FANCA: variants seen among roughly 807,000 people sequenced by gnomAD.
FANCA encodes FA complementation group A.
A neutral mutation model predicts 194.3 loss-of-function variants in FANCA; 236 were observed. The observed-to-expected ratio is 1.21, with a 90% CI of 1.09 to 1.35. The LOEUF (loss-of-function observed/expected upper bound fraction) is 1.35, where lower values mean the gene tolerates loss of function less well. Ranked by LOEUF, FANCA falls within the 40% of genes most tolerant of loss-of-function variation. The pLI, the probability that FANCA is intolerant of heterozygous loss-of-function variation, is 0.00. For synonymous variants in FANCA, 1,014 were observed against 715.8 expected (o/e 1.42, Z -6.65); for missense variants, 2,628 against 1,813.9 (o/e 1.45, Z -8.15).
At chr16:89,770,837 A>C (rs1240678340) in intron 23 of FANCA, among the ~76,000 whole-genome samples, 1 of 152,164 alleles carries the variant, frequency 6.6e-6, no homozygotes, top group African/African-American at 2.4e-5. Flanking sequence ...GCCCTCAAGT[A>C]ATCGCCAATC....
chr16:89,810,636 GT>G lies in FANCA; in HGVS notation c.522+70del, dbSNP rs1376452751. ...ATTCCCAAGAAAACCCAGGTACTCT[GT>G]TGCCTCCATCCAGATCAACAGAACA... On this transcript the variant is annotated intron_variant, in intron 5 of 42. Coordinates refer to ENST00000389301, the MANE Select transcript of FANCA (RefSeq NM_000135.4). 9 of 983,534 alleles carry G rather than the reference GT, an allele frequency of 9.2e-6. 1 individual carries two copies. The African/African-American group carries it at 1.3e-4, about 14-fold the overall frequency. The allele number at this position is 983,534 out of a possible 1,614,324, so 60.9% of individuals were successfully genotyped here. A position where few individuals can be genotyped will look rare whatever the true frequency, so the allele number is the denominator to read the frequency against.
Position 89,738,946 on chromosome 16 carries a change from G to A in FANCA, c.4196C>T (p.Ala1399Val), listed in dbSNP as rs1457671800. Residue 1399 changes from alanine to valine, a missense_variant, in exon 42 of 43, where the codon GCT becomes GTT. Coordinates refer to ENST00000389301, the MANE Select transcript of FANCA (RefSeq NM_000135.4). Reference protein sequence around the residue: ...QGNPVELITKARLFLLQLIPR... With the variant: ...QGNPVELITKVRLFLLQLIPR... Reference sequence around the variant, plus strand: ...TATTAACTGCAGCAGAAAAAGACGAGCTTTTGTTATCAGTTCCACGGGGTT... The same window carrying A: ...TATTAACTGCAGCAGAAAAAGACGAACTTTTGTTATCAGTTCCACGGGGTT... 1.9e-6 allele frequency: 3 copies of A among 1,614,256 alleles called. No individual in the cohort carries two copies. Among genetic ancestry groups the A allele is most frequent in the Non-Finnish European group, 2.5e-6 (3 of 1,180,050 alleles).
At chr16:89,795,560 C>G (rs867751858) in intron 11 of FANCA, among the ~76,000 whole-genome samples, 4 of 152,114 alleles carry the variant, frequency 2.6e-5, no homozygotes, top group Middle Eastern at 3.2e-3. Flanking sequence ...ATTGCTTGAA[C>G]CTGGGAGGCA....
chr16:89,792,337 G>C lies in FANCA; in HGVS notation c.1083+134C>G, dbSNP rs576360046. 40 of 1,020,632 alleles carry C rather than the reference G, an allele frequency of 3.9e-5. No individual in the cohort carries two copies. In the Admixed American group the frequency reaches 5.3e-4, roughly 13 times the overall value. 63.2% of individuals were successfully genotyped at this position (1,020,632 alleles called of 1,614,324 possible). A position where few individuals can be genotyped will look rare whatever the true frequency, so the allele number is the denominator to read the frequency against. ...CTGACCTGAGTGGTGGCCTTGATGA[G>C]GACAGCCACATCTCACCAGACATCC... On this transcript the variant is annotated intron_variant, in intron 12 of 42. Transcript: ENST00000389301.
At chr16:89,792,392 G>A in intron 12 of FANCA, 79 bp downstream of exon 12, 1 of 1,448,150 alleles carries the variant, frequency 6.9e-7, no homozygotes, top group Non-Finnish European at 9.7e-7. Flanking sequence ...GTCCACGGCA[G>A]GCAGCATGAC....
In FANCA at chr16:89,796,004, C is replaced by T. The variant is rs1060501877; in HGVS notation, c.908G>A (p.Ser303Asn). Residue 303 changes from serine (S) to asparagine (N), a missense_variant, in exon 11 of 43, where the codon AGT becomes AAT. Ser to Asn is a conservative substitution (Grantham distance 46). Coordinates refer to ENST00000389301, the MANE Select transcript of FANCA (RefSeq NM_000135.4). ...AATTACACTGCCAAGCGTGTGTCCACTGAACACTCCGAACCTGCCAATGCA... is the reference window on the plus strand; with the variant it reads ...AATTACACTGCCAAGCGTGTGTCCATTGAACACTCCGAACCTGCCAATGCA... The part of the protein sequence containing the change: ...KIVRCWFGVF[S>N]GHTLGSVIST... 2 of 1,613,932 alleles carry T rather than the reference C, an allele frequency of 1.2e-6. No individual in the cohort carries two copies. Among genetic ancestry groups the T allele is most frequent in the Admixed American group, 1.7e-5 (1 of 60,012 alleles).
chr16:89,806,988 C>T (rs530667387), intron 6 of FANCA, among the ~76,000 whole-genome samples: 2 of 152,190 alleles, frequency 1.3e-5, no homozygotes, highest in South Asian at 4.2e-4. Flanking sequence ...GCTGACTCCC[C>T]CACCTCCCTC....
Position 89,778,974 on chromosome 16 carries a change from T to G in FANCA, c.1745A>C (p.His582Pro). The change falls in exon 19 of 43, where the codon CAC becomes CCC. Residue 582 changes from histidine (H) to proline (P), a missense_variant. His to Pro is a moderately conservative substitution (Grantham distance 77, BLOSUM62 -2). Transcript: ENST00000389301. ...SIFRRPYYVS[H>P]FLPALLTPRV... ...AGGTGTGAGCAGGGCGGGGAGGAAGTGGGACACGTAGTAAGGCCTCCTGAA... is the reference window on the plus strand; with the variant it reads ...AGGTGTGAGCAGGGCGGGGAGGAAGGGGGACACGTAGTAAGGCCTCCTGAA... 1 of 1,613,912 alleles carries G rather than the reference T, an allele frequency of 6.2e-7. No homozygotes were observed.
chr16:89,803,767 G>A (rs1057027427), intron 7 of FANCA, among the ~76,000 whole-genome samples: 5 of 151,776 alleles, frequency 3.3e-5, no homozygotes, highest in South Asian at 2.1e-4. Flanking sequence ...GAATATAGGC[G>A]CCGCCACCAC....
chr16:89,809,257 A>G (rs1300981651), intron 5 of FANCA, among the ~76,000 whole-genome samples: 1 of 151,940 alleles, frequency 6.6e-6, no homozygotes, highest in African/African-American at 2.4e-5. Context: ...TAACTCTCCA[A>G]TCTGATATGC....
intron 35 of FANCA, among the ~76,000 whole-genome samples, chr16:89,746,241 G>A (rs949140577): frequency 2.6e-5 from 4 of 152,204 alleles, no homozygotes; most frequent in Non-Finnish European, 4.4e-5. Flanking sequence ...GGCAGCCACC[G>A]TACAGCCTCC....
chr16:89,740,508 C>T (rs541175712), intron 38 of FANCA: 82 of 489,098 alleles, frequency 1.7e-4, no homozygotes, highest in African/African-American at 1.3e-3. Flanking sequence ...GACAGACTCA[C>T]GCCTGTAATC....
intron 17 of FANCA, among the ~76,000 whole-genome samples, chr16:89,780,314 T>C (rs145439888): frequency 2.0e-5 from 3 of 152,262 alleles, no homozygotes; most frequent in South Asian, 4.1e-4. Context: ...AGAGACTTAA[T>C]TTTTGAGATT....
chr16:89,780,913 G>C (rs1598131467), intron 17 of FANCA, among the ~76,000 whole-genome samples: 1 of 130,900 alleles, frequency 7.6e-6, no homozygotes, highest in Non-Finnish European at 1.6e-5. Context: ...CTGGTCAACA[G>C]AACAACATCC....
At chr16:89,781,993 C>T (rs1303525438) in intron 17 of FANCA, among the ~76,000 whole-genome samples, 1 of 149,940 alleles carries the variant, frequency 6.7e-6, no homozygotes, top group Admixed American at 6.7e-5. Context: ...GGCGACAGAG[C>T]GAGACTCCAT....
Position 89,810,930 on chromosome 16 carries a change from C to G in FANCA, c.425G>C (p.Arg142Thr), listed in dbSNP as rs756995764. 1.2e-6 allele frequency: 2 copies of G among 1,614,180 alleles called. No homozygotes were observed. The highest frequency in any genetic ancestry group is 1.7e-6 in the Non-Finnish European group (2 of 1,180,052). ...TCCTCATCTTTGCTGGTGTCTTACTCTCTGCTCCACAGTCAGCAGCACAGG... is the reference window on the plus strand; with the variant it reads ...TCCTCATCTTTGCTGGTGTCTTACTGTCTGCTCCACAGTCAGCAGCACAGG... ...SHPVLLTVEQ[R>T]KKLSSLLEFA... The change falls in exon 4 of 43, where the codon AGA becomes ACA. Residue 142 changes from arginine to threonine, a missense_variant and splice_region_variant. Physicochemically the swap from Arg to Thr is moderately conservative, Grantham distance 71. Coordinates refer to ENST00000389301, the MANE Select transcript of FANCA (RefSeq NM_000135.4).
chr16:89,738,952 G>A lies in FANCA; in HGVS notation c.4190C>T (p.Thr1397Ile), dbSNP rs1235758124. 1 of 1,614,258 alleles carries A rather than the reference G, an allele frequency of 6.2e-7. No homozygotes were observed. Among genetic ancestry groups the A allele is most frequent in the Non-Finnish European group, 8.5e-7 (1 of 1,180,042 alleles). ...CTGCAGCAGAAAAAGACGAGCTTTT[G>A]TTATCAGTTCCACGGGGTTGCCCTA... is the stretch of plus-strand genomic sequence containing the variant. ...KGQGNPVELI[T>I]KARLFLLQLI... is the part of the protein sequence containing the mutation. Residue 1397 changes from threonine to isoleucine, a missense_variant, in exon 42 of 43, where the codon ACA becomes ATA. By Grantham distance (89) the Thr-to-Ile change is moderately conservative. Transcript: ENST00000389301.
intron 18 of FANCA, among the ~76,000 whole-genome samples, chr16:89,779,498 G>A (rs911878974): frequency 6.6e-6 from 1 of 151,786 alleles, no homozygotes; most frequent in Non-Finnish European, 1.5e-5. Context: ...TTCCCTCCCA[G>A]TGCAAGCTCC....
intron 6 of FANCA, among the ~76,000 whole-genome samples, chr16:89,806,699 A>G (rs1011287276): frequency 2.6e-5 from 4 of 152,232 alleles, no homozygotes; most frequent in Non-Finnish European, 4.4e-5. Flanking sequence ...CCCAAGGCAG[A>G]AGAATTTCTC....
Sources: gnomAD v4.1 joint callset for allele counts (sites outside exome capture counted in the v4.1 genomes callset) on GRCh38, gnomAD v4.1.1 for gene constraint, MANE v1.5 for transcripts, NCBI Gene and HGNC (gene_info 2026-07-23, HGNC 2026-07-21) for gene names.